The following FRMD4B variants were observed in gnomAD, a reference collection of about 807,000 sequenced individuals.
FRMD4B encodes the protein FERM domain-containing protein 4B.
A neutral mutation model predicts 141.5 loss-of-function variants in FRMD4B; 74 were observed. That is an observed-to-expected ratio of 0.52 (90% CI 0.43 to 0.63). The LOEUF is 0.63. Among genes scored for constraint, FRMD4B ranks in the 30% least tolerant of loss-of-function variants. The pLI, the probability that FRMD4B is intolerant of heterozygous loss-of-function variation, is 0.00. For missense variants in FRMD4B, 1,366 were observed against 1,253.4 expected (o/e 1.09, Z -1.36); for synonymous variants, 506 against 467.9 (o/e 1.08, Z -1.05).
chr3:69,330,312 A>T (rs1702322941), intron 1 of FRMD4B, among the ~76,000 whole-genome samples: 3 of 108,478 alleles, frequency 2.8e-5, no homozygotes, highest in Admixed American at 9.2e-5. Context: ...TATTCAAGGT[A>T]TACAACATTA....
At chr3:69,534,023 C>T (rs994993726) in intron 1 of FRMD4B, among the ~76,000 whole-genome samples, 8 of 152,320 alleles carry the variant, frequency 5.3e-5, no homozygotes, top group Non-Finnish European at 8.8e-5. Context: ...AGACCAGCAC[C>T]GTTGGCATCA....
chr3:69,510,437 T>A (rs1374793732), intron 1 of FRMD4B, among the ~76,000 whole-genome samples: 1 of 152,210 alleles, frequency 6.6e-6, no homozygotes, highest in Non-Finnish European at 1.5e-5. Flanking sequence ...ACTTTTATTA[T>A]CAGACAAAAC....
chr3:69,478,570 CAGTT>C, intron 1 of FRMD4B, among the ~76,000 whole-genome samples: 1 of 152,224 alleles, frequency 6.6e-6, no homozygotes, highest in East Asian at 1.9e-4. Context: ...GTCTGAGAGA[CAGTT>C]TGTTATAATT....
intron 7 of FRMD4B, among the ~76,000 whole-genome samples, chr3:69,236,843 G>C (rs2093348590): frequency 6.6e-6 from 1 of 152,198 alleles, no homozygotes; most frequent in Non-Finnish European, 1.5e-5. Context: ...TGCAAAAGCA[G>C]AAAGCTAGAG....
chr3:69,321,284 C>T (rs1415590111), intron 1 of FRMD4B, among the ~76,000 whole-genome samples: 3 of 152,204 alleles, frequency 2.0e-5, no homozygotes, highest in Non-Finnish European at 4.4e-5. Context: ...TCGTAGCCTA[C>T]TTCGGCTTTG....
chr3:69,329,520 T>TG (rs1177110140), intron 1 of FRMD4B, among the ~76,000 whole-genome samples: 9 of 96,580 alleles, frequency 9.3e-5, no homozygotes, highest in African/African-American at 7.1e-4. Flanking sequence ...CAGCTAATTT[T>TG]TTTTTTTTTT....
chr3:69,512,250 C>G (rs1339816670), intron 1 of FRMD4B, among the ~76,000 whole-genome samples: 2 of 152,010 alleles, frequency 1.3e-5, no homozygotes, highest in Admixed American at 6.6e-5. Context: ...AGACTTGGGC[C>G]CTACTTAATG....
rs543905009 is a variant in FRMD4B, at chr3:69,298,031, C to G, written c.416+4312G>C. Among the ~76,000 whole-genome samples, 3 of 152,250 alleles carry G rather than the reference C, an allele frequency of 2.0e-5. No homozygotes were observed. In the East Asian group the frequency reaches 5.8e-4, roughly 29 times the overall value. On this transcript the variant is annotated intron_variant, in intron 4 of 22. Coordinates refer to ENST00000398540, the MANE Select transcript of FRMD4B (RefSeq NM_015123.3). ...AAGCAGCATATGTTTCTGAGCTGCT[C>G]CCTCTATCCTGGGGGATATAAACCA...
chr3:69,474,199 T>C (rs1388758278), intron 1 of FRMD4B, among the ~76,000 whole-genome samples: 1 of 152,166 alleles, frequency 6.6e-6, no homozygotes, highest in Non-Finnish European at 1.5e-5. Context: ...CAGAAACCTG[T>C]TTTAGCAAAC....
intron 1 of FRMD4B, among the ~76,000 whole-genome samples, chr3:69,533,084 ATAGTT>A (rs1701026824): frequency 6.6e-6 from 1 of 152,238 alleles, no homozygotes; most frequent in African/African-American, 2.4e-5. Flanking sequence ...CACTCTGGTA[ATAGTT>A]TAGTCAGCAA....
chr3:69,481,542 G>A (rs1264249721), intron 1 of FRMD4B, among the ~76,000 whole-genome samples: 1 of 152,174 alleles, frequency 6.6e-6, no homozygotes, highest in East Asian at 1.9e-4. Flanking sequence ...TAACAGTTAG[G>A]CAGTAAGAAT....
chr3:69,259,620 T>C (rs1047129794), intron 5 of FRMD4B, among the ~76,000 whole-genome samples: 1 of 152,230 alleles, frequency 6.6e-6, no homozygotes, highest in African/African-American at 2.4e-5. Flanking sequence ...TTCCATAACA[T>C]TTAATCACTG....
intron 1 of FRMD4B, among the ~76,000 whole-genome samples, chr3:69,493,388 C>T (rs980733449): frequency 5.3e-5 from 8 of 152,134 alleles, no homozygotes; most frequent in Middle Eastern, 3.2e-3. Flanking sequence ...GTGGGGCTTA[C>T]GGCAAACTGG....
At chr3:69,389,975 C>T (rs1704345746), upstream of FRMD4B, among the ~76,000 whole-genome samples, 1 of 151,790 alleles carries the variant, frequency 6.6e-6, no homozygotes, top group Admixed American at 6.6e-5. Flanking sequence ...CTGCAATACA[C>T]TGTAATTTCC....
intron 19 of FRMD4B, among the ~76,000 whole-genome samples, chr3:69,185,835 A>C (rs150570676): frequency 6.6e-6 from 1 of 152,260 alleles, no homozygotes; most frequent in East Asian, 1.9e-4. Context: ...TGAGGTCAGG[A>C]GTTCAAGACC....
intron 1 of FRMD4B, among the ~76,000 whole-genome samples, chr3:69,527,700 T>A (rs1700950260): frequency 6.6e-6 from 1 of 152,242 alleles, no homozygotes; most frequent in Admixed American, 6.5e-5. Flanking sequence ...TACAGTACAG[T>A]GACCAACCTG....
intron 2 of FRMD4B, among the ~76,000 whole-genome samples, chr3:69,431,767 C>G (rs1705184182): frequency 6.6e-6 from 1 of 152,130 alleles, no homozygotes; most frequent in African/African-American, 2.4e-5. Context: ...CCAGCAGGCG[C>G]CAGCATGTGG....
intron 1 of FRMD4B, among the ~76,000 whole-genome samples, chr3:69,453,745 G>C (rs1245924331): frequency 6.6e-6 from 1 of 152,248 alleles, no homozygotes; most frequent in African/African-American, 2.4e-5. Context: ...CTGACGCTTT[G>C]AGAGCAGGTC....
chr3:69,385,800 C>T, intron 1 of FRMD4B, 28 bp downstream of exon 1: 4 of 1,512,396 alleles, frequency 2.6e-6, no homozygotes, highest in Non-Finnish European at 3.6e-6. Flanking sequence ...CCTGCTGGGG[C>T]CCTCGGGTGC....
Sources: gnomAD v4.1 joint callset for allele counts (sites outside exome capture counted in the v4.1 genomes callset) on GRCh38, gnomAD v4.1.1 for gene constraint, MANE v1.5 for transcripts, NCBI Gene and HGNC (gene_info 2026-07-23, HGNC 2026-07-21) for gene names.